The following MBD5 variants were observed in gnomAD, a reference collection of about 807,000 sequenced individuals.
MBD5 encodes methyl-CpG binding domain protein 5, also known as methyl-CpG-binding domain protein 5.
In MBD5, 13 loss-of-function variants were observed where a neutral mutation model predicts 117.3. That is an observed-to-expected ratio of 0.11 (90% confidence interval 0.07 to 0.18). The LOEUF is 0.18. MBD5 is among the 10% of genes least tolerant of loss of function. The pLI is 1.00. For missense variants in MBD5, 1,879 were observed against 2,093.8 expected (o/e 0.90, Z 2.00); for synonymous variants, 727 against 766.4 (o/e 0.95, Z 0.85).
chr2:148,256,370 G>A (rs999530169), intron 3 of MBD5, among the ~76,000 whole-genome samples: 3 of 152,304 alleles, frequency 2.0e-5, no homozygotes, highest in Middle Eastern at 3.4e-3. Context: ...CATCATTGCC[G>A]GGGGTGGCCA....
Position 148,468,863 on chromosome 2 carries a change from G to A in MBD5, c.920G>A (p.Ser307Asn), listed in dbSNP as rs1252895239. 4 of 1,613,828 alleles carry A rather than the reference G, an allele frequency of 2.5e-6. No homozygotes were observed. The Admixed American group carries it at 5.0e-5, about 20-fold the overall frequency. Reference sequence around the variant, plus strand: ...CTTTCCCCAACCTTGACTACAAAGAGTCCAGTAATGAAAAAACCAATGTGT... The same window carrying A: ...CTTTCCCCAACCTTGACTACAAAGAATCCAGTAATGAAAAAACCAATGTGT... ...IPLSPTLTTK[S>N]PVMKKPMCNF... The change falls in exon 8 of 14, where the codon AGT becomes AAT. Residue 307 changes from serine (S) to asparagine (N), a missense_variant. Ser to Asn is a conservative substitution (Grantham distance 46). This residue lies in a region of MBD5 where 1,666 missense variants were observed against 1,792.2 expected (regional missense o/e 0.93). Coordinates refer to ENST00000642680, the MANE Select transcript of MBD5 (RefSeq NM_001378120.1).
At chr2:148,442,937 A>T (rs901706574) in intron 4 of MBD5, among the ~76,000 whole-genome samples, 2 of 151,504 alleles carry the variant, frequency 1.3e-5, no homozygotes, top group African/African-American at 4.9e-5. Flanking sequence ...CCAAGAAAAC[A>T]ATCAACAAAG....
intron 2 of MBD5, among the ~76,000 whole-genome samples, chr2:148,195,024 A>C (rs1255168755): frequency 1.3e-5 from 2 of 152,186 alleles, no homozygotes; most frequent in Non-Finnish European, 2.9e-5. Context: ...TTCTGTCACA[A>C]CTACTCAACT....
intron 3 of MBD5, among the ~76,000 whole-genome samples, chr2:148,293,899 T>TGTGATAGAC (rs1701563816): frequency 6.6e-6 from 1 of 152,244 alleles, no homozygotes. Flanking sequence ...TATTTCTATA[T>TGTGATAGAC]GTGATAGACC....
In MBD5 at chr2:148,388,716, C is replaced by T. The variant is rs1280985586; in HGVS notation, c.-557+46380C>T. On this transcript the variant is annotated intron_variant, in intron 4 of 13. Transcript: ENST00000642680. ...CAGACAGCTGCATTCTTGCTGTCTT[C>T]TCACATGACCTTTTCTCTGTGCATG... 2.0e-5 allele frequency among the ~76,000 whole-genome samples: 3 copies of T among 152,170 alleles called. No homozygotes were observed. The East Asian group carries it at 5.8e-4, about 29-fold the overall frequency.
At chr2:148,495,169 A>G (rs997182888) in intron 11 of MBD5, among the ~76,000 whole-genome samples, 8 of 152,170 alleles carry the variant, frequency 5.3e-5, no homozygotes, top group African/African-American at 1.9e-4. Context: ...GCGTAATGTT[A>G]GGGAATTCTT....
intron 4 of MBD5, among the ~76,000 whole-genome samples, chr2:148,367,237 T>A (rs1703726776): frequency 6.6e-6 from 1 of 152,210 alleles, no homozygotes; most frequent in Non-Finnish European, 1.5e-5. Flanking sequence ...AAAGATTCCC[T>A]ATTTAATAAA....
intron 4 of MBD5, among the ~76,000 whole-genome samples, chr2:148,457,541 G>A (rs1378839043): frequency 6.6e-6 from 1 of 152,004 alleles, no homozygotes; most frequent in Non-Finnish European, 1.5e-5. Flanking sequence ...GCTGTTTCAA[G>A]CTAGTATGTC....
chr2:148,358,383 A>T (rs1022183122), intron 4 of MBD5, among the ~76,000 whole-genome samples: 1 of 152,200 alleles, frequency 6.6e-6, no homozygotes, highest in African/African-American at 2.4e-5. Context: ...GAGGGATATA[A>T]TTAGTATATT....
chr2:148,064,128 CTTTT>C (rs35256354), intron 1 of MBD5, among the ~76,000 whole-genome samples: 1 of 78,084 alleles, frequency 1.3e-5, no homozygotes. Flanking sequence ...TGTCTTTTTT[CTTTT>C]TTTTTTTTTT....
Position 148,485,842 on chromosome 2 carries a change from G to A in MBD5, c.3645G>A (p.Gln1215=). Residue 1215 remains glutamine (Q), a synonymous_variant, in exon 10 of 14, where the codon CAG becomes CAA. Transcript: ENST00000642680. ...NNQMFPPNQQ[Q]QQLLQGYQNL... ...AGATGTTTCCTCCAAATCAGCAACA[G>A]CAGCAACTTCTCCAGGGGTACCAGA... 2 of 1,614,102 alleles carry A rather than the reference G, an allele frequency of 1.2e-6. No homozygotes were observed. The highest frequency in any genetic ancestry group is 1.7e-6 in the Non-Finnish European group (2 of 1,179,974).
chr2:148,052,381 T>G (rs921446411), intron 1 of MBD5, among the ~76,000 whole-genome samples: 10 of 151,940 alleles, frequency 6.6e-5, no homozygotes, highest in African/African-American at 2.4e-4. Context: ...CAGCTAATTG[T>G]GTATTTTCAG....
intron 3 of MBD5, among the ~76,000 whole-genome samples, chr2:148,284,411 C>G (rs2106396820): frequency 6.6e-6 from 1 of 152,262 alleles, no homozygotes; most frequent in South Asian, 2.1e-4. Flanking sequence ...TCTATTGTTT[C>G]AATCACCTCA....
chr2:148,144,266 T>C (rs1697390825), intron 1 of MBD5, among the ~76,000 whole-genome samples: 1 of 151,944 alleles, frequency 6.6e-6, no homozygotes, highest in South Asian at 2.1e-4. Context: ...TGTCTGTTCA[T>C]ATCCTTTGCC....
At chr2:148,425,825 A>G (rs867040735) in intron 4 of MBD5, among the ~76,000 whole-genome samples, 1 of 152,248 alleles carries the variant, frequency 6.6e-6, no homozygotes, top group East Asian at 1.9e-4. Flanking sequence ...GACCTTTGAT[A>G]AAATTCAACA....
intron 3 of MBD5, among the ~76,000 whole-genome samples, chr2:148,255,572 A>T (rs1382837200): frequency 6.6e-6 from 1 of 152,172 alleles, no homozygotes; most frequent in Non-Finnish European, 1.5e-5. Flanking sequence ...AGGTCAGGTA[A>T]CAACAGGTTA....
At chr2:148,172,494 G>A (rs1698286225) in intron 1 of MBD5, among the ~76,000 whole-genome samples, 1 of 152,308 alleles carries the variant, frequency 6.6e-6, no homozygotes, top group East Asian at 1.9e-4. Context: ...GAGGGTGGCT[G>A]GGGCAGGCCT....
intron 1 of MBD5, among the ~76,000 whole-genome samples, chr2:148,156,264 C>G (rs1325336495): frequency 6.6e-6 from 1 of 152,210 alleles, no homozygotes; most frequent in African/African-American, 2.4e-5. Flanking sequence ...TAACATAGCA[C>G]CTGAGGTGCT....
intron 1 of MBD5, among the ~76,000 whole-genome samples, chr2:148,024,217 T>C (rs1693839663): frequency 6.6e-6 from 1 of 152,250 alleles, no homozygotes; most frequent in Non-Finnish European, 1.5e-5. Flanking sequence ...TTAAATTTAG[T>C]AATTTGTTAA....
Sources: gnomAD v4.1 joint callset for allele counts (sites outside exome capture counted in the v4.1 genomes callset) on GRCh38, gnomAD v4.1.1 for gene constraint, gnomAD v4.1.1 regional missense constraint, MANE v1.5 for transcripts, NCBI Gene and HGNC (gene_info 2026-07-23, HGNC 2026-07-21) for gene names.